The following VWF variants were observed in gnomAD, a reference collection of about 807,000 sequenced individuals.
VWF encodes von Willebrand factor.
Under a neutral mutation model 308.6 loss-of-function variants are expected in VWF, and 176 were observed. That is an observed-to-expected ratio of 0.57 (90% CI 0.50 to 0.65). The LOEUF is 0.65. VWF is among the 30% of genes least tolerant of loss of function. The pLI is 0.00. For missense variants in VWF, 3,146 were observed against 3,648.2 expected, an observed-to-expected ratio of 0.86 and a Z score of 3.55; for synonymous variants, 1,385 against 1,443.4, an observed-to-expected ratio of 0.96 and a Z score of 0.92.
Position 5,985,130 on chromosome 12 carries a change from G to C in VWF, c.6902-11C>G. On this transcript the variant is annotated splice_polypyrimidine_tract_variant and intron_variant, in intron 39 of 51. Coordinates refer to ENST00000261405, the MANE Select transcript of VWF (RefSeq NM_000552.5). Reference sequence around the variant, plus strand: ...GGCCACACGTGGGAGCTAGAGGAGAGGAACGGCCACAAAAGTCAGAGAAAT... The same window carrying C: ...GGCCACACGTGGGAGCTAGAGGAGACGAACGGCCACAAAAGTCAGAGAAAT... The C allele has an allele frequency of 6.2e-7, 1 of 1,614,088 alleles. No individual in the cohort carries two copies. The highest frequency in any genetic ancestry group is 8.5e-7 in the Non-Finnish European group (1 of 1,179,908).
chr12:5,987,525 G>A (rs216880), intron 38 of VWF, among the ~76,000 whole-genome samples: 124,427 of 152,198 alleles, frequency 0.82, 51,739 homozygotes, highest in East Asian at 0.92. Flanking sequence ...AGTGCCCATC[G>A]TGGGCAGGTC....
chr12:6,034,989 T>C (rs1386464280), intron 19 of VWF, among the ~76,000 whole-genome samples, 163 bp from the exon 20 acceptor site: 2 of 152,134 alleles, frequency 1.3e-5, no homozygotes, highest in African/African-American at 2.4e-5. Flanking sequence ...GTGGACTTCA[T>C]AGGCCCAGTA....
At chr12:6,087,910 T>C (rs1944991041) in intron 6 of VWF, among the ~76,000 whole-genome samples, 1 of 152,228 alleles carries the variant, frequency 6.6e-6, no homozygotes, top group South Asian at 2.1e-4. Flanking sequence ...GAGTGGTAAC[T>C]GGTGCACTCA....
chr12:5,978,818 G>A (rs776799709), intron 42 of VWF, among the ~76,000 whole-genome samples: 2 of 152,120 alleles, frequency 1.3e-5, no homozygotes, highest in East Asian at 1.9e-4. Flanking sequence ...AGATCATACC[G>A]CCTAAATACC....
chr12:6,017,387 T>C (rs1317508847), intron 28 of VWF, among the ~76,000 whole-genome samples: 4 of 152,216 alleles, frequency 2.6e-5, no homozygotes, highest in East Asian at 1.9e-4. Flanking sequence ...AATGATGTAA[T>C]TGTTGTTTTC....
chr12:6,023,217 C>T (rs2363336), intron 25 of VWF, among the ~76,000 whole-genome samples: 2 of 152,238 alleles, frequency 1.3e-5, no homozygotes, highest in African/African-American at 4.8e-5. Context: ...TCACTGTGCC[C>T]GGCCCAGTTT....
intron 38 of VWF, among the ~76,000 whole-genome samples, chr12:5,987,886 T>C (rs1943697077): frequency 6.6e-6 from 1 of 152,340 alleles, no homozygotes; most frequent in Non-Finnish European, 1.5e-5. Flanking sequence ...GGATGGAAAT[T>C]CATTATCTTG....
intron 5 of VWF, among the ~76,000 whole-genome samples, chr12:6,097,330 G>A (rs888132728): frequency 1.3e-5 from 2 of 152,190 alleles, no homozygotes; most frequent in East Asian, 3.9e-4. Context: ...CCAGTTACTC[G>A]GGAGGCTGAG....
chr12:6,000,677 T>C (rs1322872715), intron 34 of VWF, among the ~76,000 whole-genome samples: 1 of 150,808 alleles, frequency 6.6e-6, no homozygotes, highest in Admixed American at 6.6e-5. Flanking sequence ...CCAGGCGTGG[T>C]GGCGGGCGCC....
chr12:5,984,005 TAGATAGATAGATAGACAGAC>T (rs1187012766), intron 40 of VWF, among the ~76,000 whole-genome samples: 12 of 130,988 alleles, frequency 9.2e-5, no homozygotes, highest in South Asian at 2.6e-4. Context: ...GATAGATAGA[TAGATAGATAGATAGACAGAC>T]AGACAGACAG....
chr12:6,036,795 G>T (rs1944342081), intron 18 of VWF, among the ~76,000 whole-genome samples: 3 of 152,196 alleles, frequency 2.0e-5, no homozygotes, highest in African/African-American at 7.2e-5. Context: ...CTGTAACCTG[G>T]ACATTTTTGC....
rs112336257 is a variant in VWF at position 6,004,918 on chromosome 12, C to G, written c.5842+6699G>C. ...CCTGAAAACACTTCTAGAAGACAGA[C>G]AAGTCAGCTTGAATAAGTGGACAAA... On this transcript the variant is annotated intron_variant, in intron 34 of 51. Coordinates refer to ENST00000261405, the MANE Select transcript of VWF (RefSeq NM_000552.5). 3.9e-3 allele frequency among the ~76,000 whole-genome samples: 599 copies of G among 152,184 alleles called. 3 individuals carry two copies. Among genetic ancestry groups the G allele is most frequent in the African/African-American group, 0.014 (570 of 41,536 alleles).
intron 7 of VWF, 71 bp from the exon 8 acceptor site, chr12:6,073,812 C>T (rs1944809177): frequency 6.2e-7 from 1 of 1,607,054 alleles, no homozygotes. Context: ...AGCCATGCCA[C>T]AGCCTGAGCC....
chr12:6,019,767 A>T lies in VWF; in HGVS notation c.3675-24T>A, dbSNP rs955426767. On this transcript the variant is annotated intron_variant, in intron 27 of 51. Coordinates refer to ENST00000261405, the MANE Select transcript of VWF (RefSeq NM_000552.5). The surrounding 1 kb of genome is among the most constrained non-coding windows in gnomAD (Gnocchi z 5.8). ...GGCTGCAGAAAAGAGCGAAGAAATTAAAATGGTTCAGGAAGAACCTGTGGA... is the reference window on the plus strand; with the variant it reads ...GGCTGCAGAAAAGAGCGAAGAAATTTAAATGGTTCAGGAAGAACCTGTGGA... 3.1e-6 allele frequency: 5 copies of T among 1,595,510 alleles called. No individual in the cohort carries two copies. The Admixed American group carries it at 7.2e-5, about 23-fold the overall frequency.
At chr12:5,980,919 T>C (rs570849356) in intron 42 of VWF, among the ~76,000 whole-genome samples, 1 of 152,332 alleles carries the variant, frequency 6.6e-6, no homozygotes, top group East Asian at 1.9e-4. Context: ...CGCCCTTCAC[T>C]TTCCCACTCC....
chr12:6,030,565 A>G (rs1307663116), intron 21 of VWF, among the ~76,000 whole-genome samples: 1 of 152,188 alleles, frequency 6.6e-6, no homozygotes, highest in Non-Finnish European at 1.5e-5. Context: ...CTGCAACTTT[A>G]AACACAGGTT....
intron 6 of VWF, among the ~76,000 whole-genome samples, chr12:6,080,728 T>C (rs1591905689): frequency 6.6e-6 from 1 of 152,188 alleles, no homozygotes; most frequent in Non-Finnish European, 1.5e-5. Context: ...TCTTAGCAGG[T>C]AGTTACGGCC....
chr12:5,995,769 T>C (rs993681657), intron 35 of VWF, among the ~76,000 whole-genome samples: 2 of 152,182 alleles, frequency 1.3e-5, no homozygotes, highest in Admixed American at 6.5e-5. Context: ...CACAATTTTA[T>C]GCTATCTAAA....
At chr12:6,016,063 T>C (rs867176124) in intron 31 of VWF, 26 bp downstream of exon 31, 6 of 1,613,792 alleles carry the variant, frequency 3.7e-6, no homozygotes, top group Middle Eastern at 1.6e-4. Context: ...CTCTCCTGAA[T>C]TGAGGACTGT....
Sources: gnomAD v4.1 joint callset for allele counts (sites outside exome capture counted in the v4.1 genomes callset) on GRCh38, gnomAD v4.1.1 for gene constraint, Gnocchi (gnomAD v3.1) non-coding constraint, MANE v1.5 for transcripts, NCBI Gene and HGNC (gene_info 2026-07-23, HGNC 2026-07-21) for gene names.